NCOR1: variants seen among roughly 807,000 people sequenced by gnomAD.
NCOR1 encodes the protein nuclear receptor corepressor 1, also known as protein phosphatase 1, regulatory subunit 109.
In NCOR1, 63 loss-of-function variants were observed where a neutral mutation model predicts 288.1. The ratio of observed to expected loss-of-function variants is 0.22; its 90% confidence interval spans 0.18 to 0.27. NCOR1 has a LOEUF of 0.27. Among genes scored for constraint, NCOR1 ranks in the 10% least tolerant of loss-of-function variants. The probability of loss-of-function intolerance (pLI) is 1.00; values close to 1 mark genes in which losing one functional copy is unlikely to be tolerated. For synonymous variants in NCOR1, 1,007 were observed against 1,065.9 expected, an observed-to-expected ratio of 0.94 and a Z score of 1.08; for missense variants, 2,397 against 3,019.2, an observed-to-expected ratio of 0.79 and a Z score of 4.83.
intron 25 of NCOR1, 86 bp downstream of exon 25, chr17:16,080,322 C>T (rs2063207891): frequency 9.0e-7 from 1 of 1,113,366 alleles, no homozygotes; most frequent in Admixed American, 2.9e-5. Flanking sequence ...GTTAAAAAAG[C>T]CCATCATTAA....
Position 16,127,306 on chromosome 17 carries a change from TATAC to T in NCOR1, c.1510-1104_1510-1101del, listed in dbSNP as rs550717917. On this transcript the variant is annotated intron_variant, in intron 14 of 45. Transcript: ENST00000268712. ...ACGTGTATATATGTATGTATGTATA[TATAC>T]ATGTATGTATATATGTATGTATATA... Among the ~76,000 whole-genome samples the T allele has an allele frequency of 3.3e-3, 304 of 93,020 alleles. 98 individuals are homozygous for T. The highest frequency in any genetic ancestry group is 0.011 in the African/African-American group (277 of 25,404). 61.0% of individuals were successfully genotyped at this position (93,020 alleles called of 152,430 possible). A position where few individuals can be genotyped will look rare whatever the true frequency, so the allele number is the denominator to read the frequency against.
intron 27 of NCOR1, 137 bp from the exon 28 acceptor site, chr17:16,073,706 G>A: frequency 1.5e-6 from 1 of 674,460 alleles, no homozygotes; most frequent in Non-Finnish European, 2.1e-6. Context: ...AATATGTGTA[G>A]ATGATTCATG....
chr17:16,134,580 G>A (rs938742240), intron 14 of NCOR1, among the ~76,000 whole-genome samples: 8 of 152,150 alleles, frequency 5.3e-5, no homozygotes, highest in African/African-American at 1.7e-4. Context: ...AACAAGGATC[G>A]GTGTGCCACA....
chr17:16,100,323 T>G (rs2067385501), intron 20 of NCOR1, among the ~76,000 whole-genome samples: 1 of 152,182 alleles, frequency 6.6e-6, no homozygotes, highest in African/African-American at 2.4e-5. Flanking sequence ...TTTTGTATAA[T>G]TAATTAACCT....
intron 22 of NCOR1, among the ~76,000 whole-genome samples, chr17:16,088,685 T>A (rs1205918675): frequency 6.6e-6 from 1 of 152,184 alleles, no homozygotes; most frequent in African/African-American, 2.4e-5. Flanking sequence ...ATACAATATC[T>A]ATTTAGCCCT....
intron 18 of NCOR1, among the ~76,000 whole-genome samples, chr17:16,117,394 CAATA>C (rs921158398): frequency 1.3e-5 from 2 of 150,680 alleles, no homozygotes; most frequent in African/African-American, 4.9e-5. Flanking sequence ...ACTCCTTGAG[CAATA>C]AATAGAGAAA....
At chr17:16,127,166 TAC>T (rs2074248992) in intron 14 of NCOR1, among the ~76,000 whole-genome samples, 1 of 135,482 alleles carries the variant, frequency 7.4e-6, no homozygotes, top group East Asian at 2.2e-4. Context: ...TATGTATATA[TAC>T]ATGTATGTAT....
chr17:16,158,924 G>T (rs752685489), intron 5 of NCOR1, 51 bp from the exon 6 acceptor site: 11 of 1,297,064 alleles, frequency 8.5e-6, no homozygotes, highest in Non-Finnish European at 1.2e-5. Context: ...ACCACACCCA[G>T]CAGTGATTAA....
Position 16,064,970 on chromosome 17 carries a change from T to G in NCOR1, c.5001A>C (p.Pro1667=). 6.2e-7 allele frequency: 1 copy of G among 1,613,952 alleles called. No individual in the cohort carries two copies. The highest frequency in any genetic ancestry group is 8.5e-7 in the Non-Finnish European group (1 of 1,179,854). ...NMPPTILVPH[P]GGTSTPPMDR... ...CCATGGGAGGAGTGCTTGTTCCCCC[T>G]GGATGAGGCACTAAAATTGTTGGAG... The change falls in exon 34 of 46, where the codon CCA becomes CCC. Residue 1667 remains proline (P), a synonymous_variant. Coordinates refer to ENST00000268712, the MANE Select transcript of NCOR1 (RefSeq NM_006311.4).
rs202154804 is a variant in NCOR1 at position 16,167,455 on chromosome 17, TA to T, written c.436-2295del. 7.6e-3 allele frequency among the ~76,000 whole-genome samples: 1,151 copies of T among 150,566 alleles called. 19 individuals carry two copies. Among genetic ancestry groups the T allele is most frequent in the East Asian group, 0.049 (254 of 5,154 alleles). ...TAGCAAATCACAAAAAGCCTCAAGT[TA>T]AAAAAAAATAATAATAAAGGATTCA... On this transcript the variant is annotated intron_variant, in intron 4 of 45. Transcript: ENST00000268712.
chr17:16,204,560 T>C (rs1218858951), intron 1 of NCOR1, among the ~76,000 whole-genome samples: 2 of 152,128 alleles, frequency 1.3e-5, no homozygotes, highest in Non-Finnish European at 2.9e-5. Context: ...GTATACATTG[T>C]TTTTCATCTT....
chr17:16,087,678 C>T (rs2064460725), intron 22 of NCOR1, among the ~76,000 whole-genome samples: 1 of 152,188 alleles, frequency 6.6e-6, no homozygotes, highest in Admixed American at 6.5e-5. Flanking sequence ...TCTGGCCTGA[C>T]TGGAGGTTAT....
intron 1 of NCOR1, among the ~76,000 whole-genome samples, chr17:16,206,178 A>G (rs1319713828): frequency 6.6e-6 from 1 of 152,038 alleles, no homozygotes; most frequent in Non-Finnish European, 1.5e-5. Flanking sequence ...ATATCTATCC[A>G]TATCTACATT....
chr17:16,166,942 TTC>T (rs766982780), intron 4 of NCOR1, among the ~76,000 whole-genome samples: 2 of 152,188 alleles, frequency 1.3e-5, no homozygotes, highest in Non-Finnish European at 2.9e-5. Context: ...TGTGAAGCCT[TTC>T]TCTTTCATTA....
intron 28 of NCOR1, 79 bp from the exon 29 acceptor site, chr17:16,072,307 G>A: frequency 9.0e-7 from 1 of 1,113,756 alleles, no homozygotes; most frequent in Non-Finnish European, 1.3e-6. Flanking sequence ...TGTTCTTAAA[G>A]TCTATGTTTT....
intron 5 of NCOR1, 105 bp downstream of exon 5, chr17:16,164,874 G>A: frequency 5.2e-6 from 4 of 767,584 alleles, no homozygotes; most frequent in Non-Finnish European, 6.1e-6. Context: ...AATATATAAG[G>A]CATGATTCCT....
In NCOR1 at chr17:16,126,067, A is replaced by T; in HGVS notation, c.1634+15T>A. On this transcript the variant is annotated intron_variant, in intron 15 of 45. Transcript: ENST00000268712. ...TAAACATTTAACTTATTATATAACTAATTATTTAACTCACTTGGAGTCTTC... is the reference window on the plus strand; with the variant it reads ...TAAACATTTAACTTATTATATAACTTATTATTTAACTCACTTGGAGTCTTC... 9.1e-7 allele frequency: 1 copy of T among 1,104,726 alleles called. No individual in the cohort carries two copies. Among genetic ancestry groups the T allele is most frequent in the Non-Finnish European group, 1.3e-6 (1 of 785,900 alleles). The allele number at this position is 1,104,726 out of a possible 1,614,324, so 68.4% of individuals were successfully genotyped here.
At chr17:16,166,741 C>T (rs1284622300) in intron 4 of NCOR1, among the ~76,000 whole-genome samples, 1 of 150,484 alleles carries the variant, frequency 6.6e-6, no homozygotes, top group African/African-American at 2.4e-5. Context: ...TTTTTTTCTC[C>T]CCCTCCCTCC....
chr17:16,158,675 AT>A, intron 6 of NCOR1, 84 bp downstream of exon 6: 1 of 731,934 alleles, frequency 1.4e-6, no homozygotes, highest in Non-Finnish European at 2.2e-6. Context: ...TAAAGTTAAA[AT>A]TATACCAGGA....
Sources: gnomAD v4.1 joint callset for allele counts (sites outside exome capture counted in the v4.1 genomes callset) on GRCh38, gnomAD v4.1.1 for gene constraint, MANE v1.5 for transcripts, NCBI Gene and HGNC (gene_info 2026-07-23, HGNC 2026-07-21) for gene names.